The following CPXM2 variants were observed in gnomAD, a reference collection of about 807,000 sequenced individuals.
The protein encoded by CPXM2 is carboxypeptidase X, M14 family member 2.
A neutral mutation model predicts 86.1 loss-of-function variants in CPXM2; 66 were observed. The ratio of observed to expected loss-of-function variants is 0.77; its 90% CI spans 0.63 to 0.94. CPXM2 has a LOEUF of 0.94. CPXM2 is among the 40% of genes least tolerant of loss of function. The pLI is 0.00. For synonymous variants in CPXM2, 388 were observed against 400.2 expected (o/e 0.97, Z 0.36); for missense variants, 948 against 1,026.3 (o/e 0.92, Z 1.04).
intron 6 of CPXM2, among the ~76,000 whole-genome samples, chr10:123,789,334 C>T (rs938094730): frequency 2.0e-5 from 3 of 152,210 alleles, no homozygotes; most frequent in African/African-American, 7.2e-5. Context: ...ACTTCCATCC[C>T]ATTTCCTATG....
At chr10:123,751,037 G>A in intron 13 of CPXM2, 1 of 985,460 alleles carries the variant, frequency 1.0e-6, no homozygotes, top group Non-Finnish European at 1.2e-6. Context: ...TGCAGTGGAA[G>A]TCAACACATA....
At chr10:123,879,948 GCT>G (rs1222335317) in intron 2 of CPXM2, among the ~76,000 whole-genome samples, 1 of 152,200 alleles carries the variant, frequency 6.6e-6, no homozygotes. Context: ...GCAACCAAGA[GCT>G]CCAGGAAATT....
At chr10:123,756,292 T>C (rs1203943655) in intron 12 of CPXM2, among the ~76,000 whole-genome samples, 4 of 152,208 alleles carry the variant, frequency 2.6e-5, no homozygotes, top group Non-Finnish European at 1.5e-5. Context: ...GTTTAATCCA[T>C]TACTTTCCAG....
At chr10:123,856,889 GC>G (rs1415946313) in intron 3 of CPXM2, among the ~76,000 whole-genome samples, 1 of 152,162 alleles carries the variant, frequency 6.6e-6, no homozygotes, top group Non-Finnish European at 1.5e-5. Flanking sequence ...ACCGCACCTA[GC>G]CCTAAGCATG....
At chr10:123,785,742 C>T (rs1045927751) in intron 6 of CPXM2, among the ~76,000 whole-genome samples, 1 of 151,740 alleles carries the variant, frequency 6.6e-6, no homozygotes, top group Non-Finnish European at 1.5e-5. Context: ...ACGCCATTCT[C>T]CTGTCTCAGC....
Position 123,796,625 on chromosome 10 carries a change from A to G in CPXM2, c.889+1351T>C, listed in dbSNP as rs147194359. Among the ~76,000 whole-genome samples the G allele has an allele frequency of 2.1e-3, 321 of 152,366 alleles. 1 individual carries two copies. Among genetic ancestry groups the G allele is most frequent in the African/African-American group, 7.5e-3 (311 of 41,592 alleles). On this transcript the variant is annotated intron_variant, in intron 6 of 13. Coordinates refer to ENST00000241305, the MANE Select transcript of CPXM2 (RefSeq NM_198148.3). ...CAAGATCATGAATACTACGGGATTGAGAGAAAAACAATTAAATGACCTTCA... is the reference window on the plus strand; with the variant it reads ...CAAGATCATGAATACTACGGGATTGGGAGAAAAACAATTAAATGACCTTCA...
At chr10:123,808,389 C>CAACAAA (rs1248953847) in intron 4 of CPXM2, among the ~76,000 whole-genome samples, 2,440 of 150,964 alleles carry the variant, frequency 0.016, 64 homozygotes, top group African/African-American at 0.058. Flanking sequence ...ACAACAACAA[C>CAACAAA]AACCAGCTGT....
intron 2 of CPXM2, among the ~76,000 whole-genome samples, chr10:123,907,686 C>T (rs1036429683): frequency 1.6e-5 from 2 of 128,032 alleles, no homozygotes; most frequent in Non-Finnish European, 1.8e-5. Flanking sequence ...AACATAGATG[C>T]CCCCCCTCCC....
At chr10:123,764,274 G>A (rs1161656501) in intron 10 of CPXM2, among the ~76,000 whole-genome samples, 6 of 151,928 alleles carry the variant, frequency 3.9e-5, no homozygotes, top group East Asian at 1.9e-4. Flanking sequence ...CCATGTAGTC[G>A]AATTTACTAA....
rs1355436697 is a variant in CPXM2 at position 123,891,704 on chromosome 10, G to A, written c.-45C>T. On this transcript the variant is annotated 5_prime_UTR_variant, in exon 1 of 14. Transcript: ENST00000241305. This position sits in a 1 kb window ranked among gnomAD's most constrained non-coding sequence, Gnocchi z 5.6. ...CAGGGCAGGGTCACGGTCACCGGGG[G>A]CGCCGGGCGGGCTGCGGGCGCAGAA... The A allele has an allele frequency of 1.5e-6, 2 of 1,294,812 alleles. No homozygotes were observed. Among genetic ancestry groups the A allele is most frequent in the African/African-American group, 1.6e-5 (1 of 64,096 alleles). 80.2% of individuals were successfully genotyped at this position (1,294,812 alleles called of 1,614,324 possible).
chr10:123,774,152 G>A (rs996950253), intron 7 of CPXM2, among the ~76,000 whole-genome samples: 4 of 152,200 alleles, frequency 2.6e-5, no homozygotes, highest in Non-Finnish European at 4.4e-5. Flanking sequence ...CAGGAAGGAC[G>A]CCCAGGTGCT....
At chr10:123,887,107 C>T (rs894031131) in intron 1 of CPXM2, 1 of 152,184 alleles carries the variant, frequency 6.6e-6, no homozygotes, top group Non-Finnish European at 1.5e-5. Flanking sequence ...GAGAGCAGAA[C>T]GTTGTCAAGT....
intron 6 of CPXM2, among the ~76,000 whole-genome samples, chr10:123,792,546 G>A (rs1481404218): frequency 6.6e-6 from 1 of 152,170 alleles, no homozygotes; most frequent in Non-Finnish European, 1.5e-5. Flanking sequence ...GGGGACAGCA[G>A]AGACAGAGAC....
At chr10:123,872,762 A>G (rs1197123135) in intron 2 of CPXM2, among the ~76,000 whole-genome samples, 1 of 152,190 alleles carries the variant, frequency 6.6e-6, no homozygotes, top group Non-Finnish European at 1.5e-5. Context: ...GTGCAGAACA[A>G]AAAATTCCAC....
intron 2 of CPXM2, among the ~76,000 whole-genome samples, chr10:123,938,211 G>T (rs1232795921): frequency 6.6e-6 from 1 of 152,156 alleles, no homozygotes; most frequent in Non-Finnish European, 1.5e-5. Context: ...TGATTCAGCA[G>T]GCCTGAGGAG....
intron 2 of CPXM2, among the ~76,000 whole-genome samples, chr10:123,875,813 T>TC (rs201751424): frequency 4.4e-5 from 6 of 136,960 alleles, no homozygotes; most frequent in South Asian, 2.5e-4. Context: ...CTTTCTTTTT[T>TC]TTTTTTTTTT....
At chr10:123,893,016 G>A (rs886560900), upstream of CPXM2, among the ~76,000 whole-genome samples, 1 of 152,244 alleles carries the variant, frequency 6.6e-6, no homozygotes, top group African/African-American at 2.4e-5. Flanking sequence ...AAGAGAGTGT[G>A]AATAGATGGG....
At chr10:123,895,638 T>C (rs1485989476), upstream of CPXM2, among the ~76,000 whole-genome samples, 1 of 152,220 alleles carries the variant, frequency 6.6e-6, no homozygotes, top group South Asian at 2.1e-4. Context: ...ATCTAATAAT[T>C]TGTCTGTTTA....
chr10:123,880,372 G>A, intron 1 of CPXM2, 63 bp from the exon 2 acceptor site: 2 of 779,084 alleles, frequency 2.6e-6, no homozygotes, highest in Non-Finnish European at 4.7e-6. Flanking sequence ...AAGATGCTAA[G>A]AGTTCAACTG....
Sources: gnomAD v4.1 joint callset for allele counts (sites outside exome capture counted in the v4.1 genomes callset) on GRCh38, gnomAD v4.1.1 for gene constraint, Gnocchi (gnomAD v3.1) non-coding constraint, MANE v1.5 for transcripts, NCBI Gene and HGNC (gene_info 2026-07-23, HGNC 2026-07-21) for gene names.